Variants in NSD1 observed in about 807,000 individuals in gnomAD.
NSD1 encodes the protein histone-lysine N-methyltransferase, H3 lysine-36 specific.
A neutral mutation model predicts 242.7 loss-of-function variants in NSD1; 26 were observed. That is an observed-to-expected ratio of 0.11 (90% confidence interval 0.08 to 0.15). The LOEUF is 0.15. Ranked by LOEUF, NSD1 falls within the 10% of genes least tolerant of loss-of-function variation. The pLI is 1.00. For synonymous variants in NSD1, 1,106 were observed against 1,178.1 expected, an observed-to-expected ratio of 0.94 and a Z score of 1.25; for missense variants, 2,495 against 3,272.8, an observed-to-expected ratio of 0.76 and a Z score of 5.80.
At chr5:177,164,288 C>G (rs1758998209) in intron 2 of NSD1, among the ~76,000 whole-genome samples, 1 of 151,726 alleles carries the variant, frequency 6.6e-6, no homozygotes, top group Non-Finnish European at 1.5e-5. Flanking sequence ...TCCTGAGTAG[C>G]TGGGATTACA....
In NSD1 at chr5:177,208,922, C is replaced by T. The variant is rs895075054; in HGVS notation, c.1237-714C>T. ...TGTTGGCCAGGGTTGTCTTGAACTCCTGACCTGAGGTGATTCGTCCTCCTC... is the reference window on the plus strand; with the variant it reads ...TGTTGGCCAGGGTTGTCTTGAACTCTTGACCTGAGGTGATTCGTCCTCCTC... On this transcript the variant is annotated intron_variant, in intron 4 of 22. Transcript: ENST00000439151. Among the ~76,000 whole-genome samples the T allele has an allele frequency of 2.2e-4, 34 of 151,960 alleles. 1 individual carries two copies. The highest frequency in any genetic ancestry group is 7.2e-4 in the African/African-American group (30 of 41,384).
chr5:177,290,946 AG>A (rs1216232318), intron 21 of NSD1, among the ~76,000 whole-genome samples: 3 of 152,350 alleles, frequency 2.0e-5, no homozygotes, highest in African/African-American at 7.2e-5. Flanking sequence ...TGCATGGGAT[AG>A]CATTTCACAG....
At chr5:177,192,427 G>C (rs1170964333) in intron 3 of NSD1, among the ~76,000 whole-genome samples, 1 of 150,896 alleles carries the variant, frequency 6.6e-6, no homozygotes, top group Non-Finnish European at 1.5e-5. Flanking sequence ...ATGGAGTTTT[G>C]CTCTTGTTGC....
At chr5:177,239,924 A>T in intron 8 of NSD1, 59 bp downstream of exon 8, 1 of 1,126,316 alleles carries the variant, frequency 8.9e-7, no homozygotes, top group Non-Finnish European at 1.3e-6. Flanking sequence ...AATTTTAAAA[A>T]TGACATTTTG....
At chr5:177,249,733 C>T (rs892221597) in intron 11 of NSD1, among the ~76,000 whole-genome samples, 3 of 152,162 alleles carry the variant, frequency 2.0e-5, no homozygotes, top group Non-Finnish European at 4.4e-5. Flanking sequence ...GTGATCTGCC[C>T]GCCTCGGCCT....
chr5:177,145,556 G>A (rs143378426), intron 2 of NSD1, among the ~76,000 whole-genome samples: 74 of 152,210 alleles, frequency 4.9e-4, no homozygotes, highest in African/African-American at 1.7e-3. Flanking sequence ...CCTCAGCCGC[G>A]AATATTTTCT....
In NSD1 at chr5:177,135,780, T is replaced by G; in HGVS notation, c.677T>G (p.Phe226Cys). 1.2e-6 allele frequency: 2 copies of G among 1,612,790 alleles called. No homozygotes were observed. The highest frequency in any genetic ancestry group is 1.7e-6 in the Non-Finnish European group (2 of 1,178,838). Residue 226 changes from phenylalanine (F) to cysteine (C), a missense_variant, in exon 2 of 23, where the codon TTC (phenylalanine) becomes TGC (cysteine). By Grantham distance (205) the Phe-to-Cys change is radical. This residue lies in a region of NSD1 where 376 missense variants were observed against 367.4 expected (regional missense o/e 1.02). Coordinates refer to ENST00000439151, the MANE Select transcript of NSD1 (RefSeq NM_022455.5). ...AGACACGGTGCAGTCAAATCGCCATTCTTGCCATTAGCTCCTCAGACTGAA... is the reference window on the plus strand; with the variant it reads ...AGACACGGTGCAGTCAAATCGCCATGCTTGCCATTAGCTCCTCAGACTGAA... The part of the protein sequence containing the change: ...ESRHGAVKSP[F>C]LPLAPQTETQ...
Position 177,152,387 on chromosome 5 carries a change from T to C in NSD1, c.927+16357T>C, listed in dbSNP as rs1757797342. Among the ~76,000 whole-genome samples, 4 of 151,862 alleles carry C rather than the reference T, an allele frequency of 2.6e-5. No individual in the cohort carries two copies. In the Admixed American group the frequency reaches 2.6e-4, roughly 10 times the overall value. The stretch of plus-strand genomic sequence containing the variant: ...TTTGTATATATTTATATTTATTTTT[T>C]TGGAACTGCATCTCACTTTCATCCA... On this transcript the variant is annotated intron_variant, in intron 2 of 22. Coordinates refer to ENST00000439151, the MANE Select transcript of NSD1 (RefSeq NM_022455.5).
intron 18 of NSD1, among the ~76,000 whole-genome samples, chr5:177,281,308 TAATA>T (rs958587135): frequency 2.0e-5 from 3 of 150,098 alleles, no homozygotes; most frequent in Admixed American, 6.7e-5. Flanking sequence ...TCTAAGTTTC[TAATA>T]AATAAATAAT....
chr5:177,202,775 A>G (rs1015175272), intron 3 of NSD1, among the ~76,000 whole-genome samples: 1 of 152,188 alleles, frequency 6.6e-6, no homozygotes, highest in Non-Finnish European at 1.5e-5. Context: ...AACCAGTTCC[A>G]GTTCCTGTAG....
At chr5:177,163,695 G>T (rs2149791408) in intron 2 of NSD1, among the ~76,000 whole-genome samples, 1 of 152,218 alleles carries the variant, frequency 6.6e-6, no homozygotes, top group African/African-American at 2.4e-5. Context: ...AGGCAGCCAG[G>T]ATCTGTACTA....
chr5:177,242,033 T>A (rs1765911462), intron 8 of NSD1, among the ~76,000 whole-genome samples: 1 of 152,196 alleles, frequency 6.6e-6, no homozygotes, highest in East Asian at 1.9e-4. Flanking sequence ...TTTTTCATTC[T>A]AAACAGAATA....
chr5:177,248,468 C>T, intron 11 of NSD1, 144 bp downstream of exon 11: 1 of 1,138,342 alleles, frequency 8.8e-7, no homozygotes, highest in Non-Finnish European at 1.3e-6. Context: ...AAGGATTTGA[C>T]CCCTTTTTTT....
In NSD1 at chr5:177,295,054, G is replaced by A; in HGVS notation, c.7686G>A (p.Gly2562=). The change falls in exon 23 of 23, where the codon GGG becomes GGA. Residue 2562 remains glycine, a synonymous_variant. Transcript: ENST00000439151. The surrounding 1 kb of genome is among the most constrained non-coding windows in gnomAD (Gnocchi z 4.3). ...AGGCCTCAGGAAGAGCTTCTGCAGG[G>A]GCTGAGCAGACCCCAGGGCCTCTTA... ...TTQASGRASA[G]AEQTPGPLSQ... 6 of 1,613,666 alleles carry A rather than the reference G, an allele frequency of 3.7e-6. 1 individual carries two copies. The highest frequency in any genetic ancestry group is 3.3e-4 in the Middle Eastern group (2 of 6,056).
At chr5:177,141,732 A>G (rs1374360501) in intron 2 of NSD1, among the ~76,000 whole-genome samples, 1 of 152,066 alleles carries the variant, frequency 6.6e-6, no homozygotes, top group Non-Finnish European at 1.5e-5. Context: ...ACTCCACTCT[A>G]TGAAACTCTC....
rs1008568736 is a variant in NSD1 at position 177,252,405 on chromosome 5, C to T, written c.4765+552C>T. ...ACTTTATGGTGTGTACATTATACATCGATAAAAATATTTACCAAAAAAGTA... is the reference window on the plus strand; with the variant it reads ...ACTTTATGGTGTGTACATTATACATTGATAAAAATATTTACCAAAAAAGTA... On this transcript the variant is annotated intron_variant, in intron 12 of 22. Transcript: ENST00000439151. Among the ~76,000 whole-genome samples, 7 of 151,786 alleles carry T rather than the reference C, an allele frequency of 4.6e-5. No individual in the cohort carries two copies. In the East Asian group the frequency reaches 5.8e-4, roughly 13 times the overall value.
intron 5 of NSD1, among the ~76,000 whole-genome samples, chr5:177,214,792 T>C (rs544403858): frequency 1.3e-5 from 2 of 151,640 alleles, no homozygotes; most frequent in Non-Finnish European, 2.9e-5. Context: ...CTCTGCCTCG[T>C]GGGTTCAAGC....
intron 2 of NSD1, 37 bp downstream of exon 2, chr5:177,136,067 T>C (rs754320883): frequency 6.6e-7 from 1 of 1,526,052 alleles, no homozygotes; most frequent in Non-Finnish European, 9.1e-7. Flanking sequence ...TATATACATA[T>C]ATGTATATAT....
rs869220346 is a variant in NSD1, at chr5:177,220,563, C to CTTT, written c.3796+8390_3796+8392dup. On this transcript the variant is annotated intron_variant, in intron 5 of 22. Coordinates refer to ENST00000439151, the MANE Select transcript of NSD1 (RefSeq NM_022455.5). ...TCCATTTTTTTTCTTATAGTAATTGCTTTTTTTTTTTTTTTTTTTTTTTTG... is the reference window on the plus strand; with the variant it reads ...TCCATTTTTTTTCTTATAGTAATTGCTTTTTTTTTTTTTTTTTTTTTTTTTTTG... Among the ~76,000 whole-genome samples the CTTT allele has an allele frequency of 2.0e-3, 171 of 84,362 alleles. 3 individuals are homozygous for CTTT. Among genetic ancestry groups the CTTT allele is most frequent in the African/African-American group, 4.6e-3 (99 of 21,540 alleles). The allele number at this position is 84,362 out of a possible 152,430, so 55.3% of individuals were successfully genotyped here. A position where few individuals can be genotyped will look rare whatever the true frequency, so the allele number is the denominator to read the frequency against.
Sources: allele counts gnomAD v4.1 joint callset (sites outside exome capture counted in the v4.1 genomes callset), GRCh38; gene constraint gnomAD v4.1.1; regional missense constraint gnomAD v4.1.1; non-coding constraint Gnocchi (gnomAD v3.1); transcripts MANE v1.5; gene names NCBI Gene and HGNC (gene_info 2026-07-23, HGNC 2026-07-21).